Variants in MKLN1 observed in about 807,000 individuals in gnomAD.
MKLN1 encodes muskelin.
Under a neutral mutation model 99.0 loss-of-function variants are expected in MKLN1, and 18 were observed. That is an observed-to-expected ratio of 0.18 (90% CI 0.13 to 0.27). The LOEUF is 0.27. Among genes scored for constraint, MKLN1 ranks in the 10% least tolerant of loss-of-function variants. MKLN1 has a pLI of 1.00. For missense variants in MKLN1, 621 were observed against 875.9 expected, an observed-to-expected ratio of 0.71 and a Z score of 3.67; for synonymous variants, 288 against 293.2, an observed-to-expected ratio of 0.98 and a Z score of 0.18.
chr7:131,349,491 G>A (rs1799657848), intron 1 of MKLN1, among the ~76,000 whole-genome samples: 1 of 152,170 alleles, frequency 6.6e-6, no homozygotes, highest in African/African-American at 2.4e-5. Context: ...GCCGCACCCG[G>A]CCTTAAATCT....
chr7:131,438,769 C>T (rs992275385), intron 10 of MKLN1, among the ~76,000 whole-genome samples: 2 of 151,654 alleles, frequency 1.3e-5, no homozygotes, highest in African/African-American at 4.9e-5. Context: ...AAATCTATAA[C>T]TCTGTATTGA....
chr7:131,298,676 A>G (rs1205205577), intron 3 of MKLN1, among the ~76,000 whole-genome samples: 2 of 152,174 alleles, frequency 1.3e-5, no homozygotes, highest in African/African-American at 4.8e-5. Flanking sequence ...TAAGTGTGTT[A>G]GTTGTCTGCT....
chr7:131,158,792 C>T (rs879085401), intron 2 of MKLN1, among the ~76,000 whole-genome samples: 1 of 152,180 alleles, frequency 6.6e-6, no homozygotes, highest in Admixed American at 6.5e-5. Flanking sequence ...CTGCCCAGTG[C>T]CATTGGCCAG....
At chr7:131,316,415 CA>C (rs1013041452) in intron 3 of MKLN1, among the ~76,000 whole-genome samples, 1 of 152,138 alleles carries the variant, frequency 6.6e-6, no homozygotes, top group Non-Finnish European at 1.5e-5. Context: ...ACATCATCAA[CA>C]AAAAAGACTC....
At chr7:131,135,408 C>T (rs905195692) in intron 1 of MKLN1, among the ~76,000 whole-genome samples, 1 of 152,238 alleles carries the variant, frequency 6.6e-6, no homozygotes, top group Non-Finnish European at 1.5e-5. Context: ...GCATGAGCCA[C>T]TGCGTCTGGC....
intron 8 of MKLN1, among the ~76,000 whole-genome samples, chr7:131,419,845 G>T (rs990143178): frequency 6.6e-6 from 1 of 152,132 alleles, no homozygotes; most frequent in Non-Finnish European, 1.5e-5. Context: ...AGTTTTTTAG[G>T]ACTTTGTTTA....
chr7:131,266,720 C>T (rs985157066), intron 3 of MKLN1, among the ~76,000 whole-genome samples: 1 of 151,996 alleles, frequency 6.6e-6, no homozygotes, highest in Non-Finnish European at 1.5e-5. Flanking sequence ...ACTCAGTTTC[C>T]ATAGTTTCCC....
At chr7:131,452,544 C>CTTTTTTTTTTTTTTTTT (rs1159344518) in intron 12 of MKLN1, among the ~76,000 whole-genome samples, 3 of 70,352 alleles carry the variant, frequency 4.3e-5, no homozygotes, top group Non-Finnish European at 5.0e-5. Context: ...TCCTTTTATA[C>CTTTTTTTTTTTTTTTTT]TTTTTTTTTT....
intron 17 of MKLN1, among the ~76,000 whole-genome samples, chr7:131,479,304 T>TGTTTGAGCCCACCAGGA (rs1797054127): frequency 6.6e-6 from 1 of 151,730 alleles, no homozygotes. Flanking sequence ...GGGATGCTGA[T>TGTTTGAGCCCACCAGGA]GTTTGAGCCC....
chr7:131,348,223 A>G (rs1334198667), intron 1 of MKLN1, among the ~76,000 whole-genome samples: 1 of 152,218 alleles, frequency 6.6e-6, no homozygotes, highest in Non-Finnish European at 1.5e-5. Flanking sequence ...TGAAGAGAGC[A>G]TTAAAACAGC....
chr7:131,267,164 CT>C (rs1346370566), intron 3 of MKLN1, among the ~76,000 whole-genome samples: 17 of 151,866 alleles, frequency 1.1e-4, no homozygotes, highest in Admixed American at 1.1e-3. Context: ...GAAACCCCAT[CT>C]CTACTAAAAT....
At chr7:131,132,241 C>G (rs773594858) in intron 1 of MKLN1, among the ~76,000 whole-genome samples, 7 of 152,152 alleles carry the variant, frequency 4.6e-5, no homozygotes, top group Non-Finnish European at 7.3e-5. Flanking sequence ...TGAGAACACT[C>G]GTACAATCTC....
Position 131,245,367 on chromosome 7 carries a change from A to G in MKLN1, c.-179+42393A>G, listed in dbSNP as rs557356002. ...ACTGCAACCTCTGTCTCCTAGGTTC[A>G]AGCAATTCTCCTACCTCAGCCTCCC... On this transcript the variant is annotated intron_variant, in intron 3 of 7. Coordinates refer to the MKLN1 transcript ENST00000416992. Among the ~76,000 whole-genome samples the G allele has an allele frequency of 6.0e-5, 9 of 149,754 alleles. No homozygotes were observed. In the East Asian group the frequency reaches 1.8e-3, roughly 30 times the overall value.
chr7:131,132,622 G>A (rs1408462116), intron 1 of MKLN1, among the ~76,000 whole-genome samples: 3 of 151,970 alleles, frequency 2.0e-5, no homozygotes, highest in Admixed American at 6.6e-5. Flanking sequence ...GTAGATTTGG[G>A]CCAATAAATG....
At chr7:131,135,159 G>C (rs1795628867) in intron 1 of MKLN1, among the ~76,000 whole-genome samples, 1 of 152,230 alleles carries the variant, frequency 6.6e-6, no homozygotes. Flanking sequence ...ATCTTGCTCT[G>C]TCGCCCAGGC....
Position 131,490,713 on chromosome 7 carries a change from T to C in MKLN1, c.*2985T>C, listed in dbSNP as rs962342699. On this transcript the variant is annotated 3_prime_UTR_variant, in exon 18 of 18. Coordinates refer to ENST00000352689, the MANE Select transcript of MKLN1 (RefSeq NM_013255.5). ...GTCACTGGTTTATCATAGAAAAGTT[T>C]GATGGGTTTAGAGCTCAGTGATTTA... 4 of 152,606 alleles carry C rather than the reference T, an allele frequency of 2.6e-5. No homozygotes were observed. Among genetic ancestry groups the C allele is most frequent in the African/African-American group, 9.6e-5 (4 of 41,454 alleles). 9.5% of individuals were successfully genotyped at this position (152,606 alleles called of 1,614,324 possible).
chr7:131,125,990 A>G (rs1264334260), intron 1 of MKLN1, among the ~76,000 whole-genome samples: 2 of 148,840 alleles, frequency 1.3e-5, no homozygotes, highest in Non-Finnish European at 3.0e-5. Flanking sequence ...TGGGCGACAG[A>G]GCGAGACTCC....
At chr7:131,258,281 GAA>G (rs981551530) in intron 3 of MKLN1, among the ~76,000 whole-genome samples, 2 of 151,428 alleles carry the variant, frequency 1.3e-5, no homozygotes, top group African/African-American at 2.4e-5. Context: ...TGCAGAATTG[GAA>G]AGAGTGGGTA....
intron 12 of MKLN1, among the ~76,000 whole-genome samples, chr7:131,459,689 A>T (rs1039887923): frequency 6.6e-6 from 1 of 151,726 alleles, no homozygotes; most frequent in Non-Finnish European, 1.5e-5. Context: ...GAGTTTTAAC[A>T]TTTCATATTA....
Sources: allele counts gnomAD v4.1 joint callset (sites outside exome capture counted in the v4.1 genomes callset), GRCh38; gene constraint gnomAD v4.1.1; transcripts MANE v1.5; gene names NCBI Gene and HGNC (gene_info 2026-07-23, HGNC 2026-07-21).